FAAH: variants seen among roughly 807,000 people sequenced by gnomAD.
FAAH encodes fatty-acid amide hydrolase 1.
Under a neutral mutation model 69.7 loss-of-function variants are expected in FAAH, and 63 were observed. The observed-to-expected ratio is 0.90, with a 90% CI of 0.74 to 1.12. FAAH has a LOEUF of 1.12. Among genes scored for constraint, FAAH ranks in the 50% most tolerant of loss-of-function variants. FAAH has a pLI of 0.00. For missense variants in FAAH, 680 were observed against 755.0 expected (o/e 0.90, Z 1.16); for synonymous variants, 305 against 324.2 (o/e 0.94, Z 0.64).
At position 46,394,514 on chromosome 1, in the gene FAAH, G is replaced by A; in HGVS notation, c.166G>A (p.Asp56Asn). The A allele has an allele frequency of 2.2e-6, 3 of 1,390,042 alleles. No homozygotes were observed. The highest frequency in any genetic ancestry group is 2.8e-6 in the Non-Finnish European group (3 of 1,078,614). The allele number at this position is 1,390,042 out of a possible 1,614,324, so 86.1% of individuals were successfully genotyped here. The change falls in exon 1 of 15, where the codon GAC becomes AAC. Residue 56 changes from aspartate (D) to asparagine (N), a missense_variant. Asp to Asn is a conservative substitution (Grantham distance 23, BLOSUM62 1). Coordinates refer to ENST00000243167, the MANE Select transcript of FAAH (RefSeq NM_001441.3). ...GCAGCGAGCGGGCCTGGAGAACATG[G>A]ACAGGGCGGCGCAGCGCTTCCGGCT... ...QRQRAGLENM[D>N]RAAQRFRLQN...
At chr1:46,396,031 G>A (rs372219256) in intron 1 of FAAH, among the ~76,000 whole-genome samples, 2 of 152,180 alleles carry the variant, frequency 1.3e-5, no homozygotes, top group East Asian at 1.9e-4. Flanking sequence ...TCTGAGTTCC[G>A]TCAGTATTTA....
In FAAH at chr1:46,410,083, T is replaced by A; in HGVS notation, c.1176-315T>A. On this transcript the variant is annotated intron_variant, in intron 9 of 14. Coordinates refer to ENST00000243167, the MANE Select transcript of FAAH (RefSeq NM_001441.3). This position sits in a 1 kb window ranked among gnomAD's most constrained non-coding sequence, Gnocchi z 4.9. The stretch of plus-strand genomic sequence containing the variant: ...CCCACCTGTGCCTCCAGGCTGTACC[T>A]CCCTAAGGGGAGGTACCCTCAGGGA... The A allele has an allele frequency of 3.3e-6, 1 of 303,132 alleles. No homozygotes were observed. Among genetic ancestry groups the A allele is most frequent in the Non-Finnish European group, 6.3e-6 (1 of 159,326 alleles). The allele number at this position is 303,132 out of a possible 1,614,324, so 18.8% of individuals were successfully genotyped here. A position where few individuals can be genotyped will look rare whatever the true frequency, so the allele number is the denominator to read the frequency against.
At chr1:46,396,659 G>A (rs1392231832) in intron 1 of FAAH, among the ~76,000 whole-genome samples, 3 of 152,214 alleles carry the variant, frequency 2.0e-5, no homozygotes, top group Non-Finnish European at 2.9e-5. Flanking sequence ...ATCCTGCACA[G>A]CCCTAATTAA....
chr1:46,404,878 G>A lies in FAAH; in HGVS notation c.310-136G>A. 1.7e-6 allele frequency: 2 copies of A among 1,175,264 alleles called. 1 individual carries two copies. Among genetic ancestry groups the A allele is most frequent in the South Asian group, 2.6e-5 (2 of 76,384 alleles). 72.8% of individuals were successfully genotyped at this position (1,175,264 alleles called of 1,614,324 possible). A position where few individuals can be genotyped will look rare whatever the true frequency, so the allele number is the denominator to read the frequency against. On this transcript the variant is annotated intron_variant, in intron 2 of 14. Transcript: ENST00000243167. This position sits in a 1 kb window ranked among gnomAD's most constrained non-coding sequence, Gnocchi z 4.5. The stretch of plus-strand genomic sequence containing the variant: ...GCCCTAGGTCATCCTCTGTGCCCCA[G>A]GCTCTGGGCCATGTTGCTGGTTACC...
rs75286309 is a variant in FAAH, at chr1:46,406,388, C to T, written c.951+20C>T. 1 of 1,613,614 alleles carries T rather than the reference C, an allele frequency of 6.2e-7. No individual in the cohort carries two copies. Among genetic ancestry groups the T allele is most frequent in the Non-Finnish European group, 8.5e-7 (1 of 1,179,898 alleles). ...GAAGAGGTGAGCAGGGCTGGGTGGG[C>T]ATGAATGTGGACCGCTGAACCCAGA... On this transcript the variant is annotated intron_variant, in intron 7 of 14. Transcript: ENST00000243167.
intron 7 of FAAH, 59 bp from the exon 8 acceptor site, chr1:46,408,400 G>A: frequency 6.2e-7 from 1 of 1,612,450 alleles, no homozygotes; most frequent in South Asian, 1.1e-5. Flanking sequence ...GATCTCTAGG[G>A]GTCCTGCCTA....
chr1:46,410,589 C>T lies in FAAH; in HGVS notation c.1275+92C>T, dbSNP rs1322454272. On this transcript the variant is annotated intron_variant, in intron 10 of 14. Coordinates refer to ENST00000243167, the MANE Select transcript of FAAH (RefSeq NM_001441.3). The surrounding 1 kb of genome is among the most constrained non-coding windows in gnomAD (Gnocchi z 4.9). ...TCCCCCATGGCCTCCCTCAGCCTCTCTTGGTTTGGGCAGGCATGGCCTCCT... is the reference window on the plus strand; with the variant it reads ...TCCCCCATGGCCTCCCTCAGCCTCTTTTGGTTTGGGCAGGCATGGCCTCCT... The T allele has an allele frequency of 7.7e-7, 1 of 1,301,776 alleles. No homozygotes were observed. Among genetic ancestry groups the T allele is most frequent in the Non-Finnish European group, 1.1e-6 (1 of 904,044 alleles). The allele number at this position is 1,301,776 out of a possible 1,614,324, so 80.6% of individuals were successfully genotyped here. A position where few individuals can be genotyped will look rare whatever the true frequency, so the allele number is the denominator to read the frequency against.
At chr1:46,408,904 G>A (rs942102287) in intron 8 of FAAH, among the ~76,000 whole-genome samples, 197 bp from the exon 9 acceptor site, 4 of 152,314 alleles carry the variant, frequency 2.6e-5, no homozygotes, top group Middle Eastern at 6.8e-3. Flanking sequence ...ACAACTTTAT[G>A]TGTGGCTCCA....
At chr1:46,402,775 C>T (rs1429660378) in intron 2 of FAAH, among the ~76,000 whole-genome samples, 1 of 151,970 alleles carries the variant, frequency 6.6e-6, no homozygotes, top group Non-Finnish European at 1.5e-5. Context: ...TCACTGCAGC[C>T]TCCACCTCCT....
At position 46,410,813 on chromosome 1, in the gene FAAH, G is replaced by C; in HGVS notation, c.1276-1G>C. ...ACCGACCCTGCGTCTGTCCTGTGCA[G>C]CTGCCAAGGCTGTCAGCTTTCCTCA... On this transcript the variant is annotated splice_acceptor_variant, in intron 10 of 14. Coordinates refer to ENST00000243167, the MANE Select transcript of FAAH (RefSeq NM_001441.3). LOFTEE classifies it high-confidence loss of function. This position sits in a 1 kb window ranked among gnomAD's most constrained non-coding sequence, Gnocchi z 4.9. 6.2e-7 allele frequency: 1 copy of C among 1,614,214 alleles called. No homozygotes were observed. Among genetic ancestry groups the C allele is most frequent in the Non-Finnish European group, 8.5e-7 (1 of 1,180,046 alleles).
At chr1:46,413,377 G>T in intron 14 of FAAH, 70 bp from the exon 15 acceptor site, 1 of 1,612,536 alleles carries the variant, frequency 6.2e-7, no homozygotes. Context: ...CTCTAGCTGG[G>T]TGCTTCCTGG....
Position 46,411,626 on chromosome 1 carries a change from T to C in FAAH, c.1331T>C (p.Leu444Pro). The C allele has an allele frequency of 6.2e-7, 1 of 1,613,956 alleles. No individual in the cohort carries two copies. Among genetic ancestry groups the C allele is most frequent in the South Asian group, 1.1e-5 (1 of 91,058 alleles). ...CTTCTGCCCAGTTCGGCTGGAAAAC[T>C]CTGGGAACTGCAGCACGAGATCGAG... ...SNMKSRSAGKLWELQHEIEVY... is the reference protein window; with the variant it reads ...SNMKSRSAGKPWELQHEIEVY... The change falls in exon 12 of 15, where the codon CTC (leucine) becomes CCC (proline). Residue 444 changes from leucine to proline, a missense_variant. Physicochemically the swap from Leu to Pro is moderately conservative, Grantham distance 98. Transcript: ENST00000243167. This position sits in a 1 kb window ranked among gnomAD's most constrained non-coding sequence, Gnocchi z 4.8.
In FAAH at chr1:46,394,546, G is replaced by C. The variant is rs1664562521; in HGVS notation, c.195+3G>C. 4 of 1,350,728 alleles carry C rather than the reference G, an allele frequency of 3.0e-6. No individual in the cohort carries two copies. The South Asian group carries it at 5.6e-5, about 19-fold the overall frequency. 83.7% of individuals were successfully genotyped at this position (1,350,728 alleles called of 1,614,324 possible). ...CGGCGCAGCGCTTCCGGCTCCAGGT[G>C]ACTGCCGGAGCGTAGTGGGATGGGC... is the stretch of plus-strand genomic sequence containing the variant. On this transcript the variant is annotated splice_donor_region_variant and intron_variant, in intron 1 of 14. Coordinates refer to ENST00000243167, the MANE Select transcript of FAAH (RefSeq NM_001441.3).
In FAAH at chr1:46,410,537, G is replaced by C. The variant is rs201860260; in HGVS notation, c.1275+40G>C. The C allele has an allele frequency of 2.6e-6, 4 of 1,562,876 alleles. No homozygotes were observed. Among genetic ancestry groups the C allele is most frequent in the Non-Finnish European group, 3.5e-6 (4 of 1,134,608 alleles). On this transcript the variant is annotated intron_variant, in intron 10 of 14. Transcript: ENST00000243167. This position sits in a 1 kb window ranked among gnomAD's most constrained non-coding sequence, Gnocchi z 4.9. ...AGTGGAGGGGCTAGGATGGCTGGGG[G>C]GGAACCTAGGGCCTCCTATCGCATG... is the stretch of plus-strand genomic sequence containing the variant.
chr1:46,396,006 G>A (rs763270350), intron 1 of FAAH, among the ~76,000 whole-genome samples: 1 of 152,024 alleles, frequency 6.6e-6, no homozygotes, highest in African/African-American at 2.4e-5. Context: ...GGGAGGACCC[G>A]CGCCAGCACT....
chr1:46,406,488 A>G (rs886396785), intron 7 of FAAH, 120 bp downstream of exon 7: 3 of 1,420,922 alleles, frequency 2.1e-6, no homozygotes, highest in Non-Finnish European at 1.9e-6. Context: ...CTCTGAGGCC[A>G]GGGCGGGTTG....
rs977046706 is a variant in FAAH, at chr1:46,410,565, C to T, written c.1275+68C>T. 5.0e-6 allele frequency: 7 copies of T among 1,413,442 alleles called. No individual in the cohort carries two copies. Among genetic ancestry groups the T allele is most frequent in the Non-Finnish European group, 7.0e-6 (7 of 1,002,480 alleles). 87.6% of individuals were successfully genotyped at this position (1,413,442 alleles called of 1,614,324 possible). On this transcript the variant is annotated intron_variant, in intron 10 of 14. Coordinates refer to ENST00000243167, the MANE Select transcript of FAAH (RefSeq NM_001441.3). This position sits in a 1 kb window ranked among gnomAD's most constrained non-coding sequence, Gnocchi z 4.9. ...AACCTAGGGCCTCCTATCGCATGAT[C>T]CCCCATGGCCTCCCTCAGCCTCTCT...
chr1:46,401,995 C>T, intron 1 of FAAH, 96 bp from the exon 2 acceptor site: 1 of 1,031,476 alleles, frequency 9.7e-7, no homozygotes, highest in Non-Finnish European at 1.5e-6. Context: ...CCAGGCTGGG[C>T]CATGTCAGAG....
intron 1 of FAAH, among the ~76,000 whole-genome samples, chr1:46,396,498 G>A (rs1303181189): frequency 1.6e-4 from 24 of 152,182 alleles, no homozygotes; most frequent in Non-Finnish European, 4.4e-5. Context: ...CTGTCTCAGT[G>A]GGGAGAAACC....
Sources: gnomAD v4.1 joint callset for allele counts (sites outside exome capture counted in the v4.1 genomes callset) on GRCh38, gnomAD v4.1.1 for gene constraint, Gnocchi (gnomAD v3.1) non-coding constraint, MANE v1.5 for transcripts, NCBI Gene and HGNC (gene_info 2026-07-23, HGNC 2026-07-21) for gene names.